CNTN5: variants seen among roughly 807,000 people sequenced by gnomAD.
The protein encoded by CNTN5 is contactin 5.
CNTN5 carries 77 observed loss-of-function variants against 129.1 expected under a neutral mutation model. The ratio of observed to expected loss-of-function variants is 0.60; its 90% confidence interval spans 0.50 to 0.72. The LOEUF is 0.72. Ranked by LOEUF, CNTN5 falls within the 30% of genes least tolerant of loss-of-function variation. The pLI is 0.00. For synonymous variants in CNTN5, 509 were observed against 465.6 expected (o/e 1.09, Z -1.20); for missense variants, 1,478 against 1,328.8 (o/e 1.11, Z -1.75).
intron 3 of CNTN5, among the ~76,000 whole-genome samples, chr11:99,660,182 C>A (rs2135913509): frequency 6.6e-6 from 1 of 152,106 alleles, no homozygotes; most frequent in Middle Eastern, 3.4e-3. Flanking sequence ...CCTTGTGTTA[C>A]TCAAAGAATT....
intron 1 of CNTN5, among the ~76,000 whole-genome samples, chr11:99,160,041 A>C (rs1188792708): frequency 6.6e-6 from 1 of 152,210 alleles, no homozygotes; most frequent in Non-Finnish European, 1.5e-5. Flanking sequence ...TGTTCATGAG[A>C]TTTAAACTAT....
At chr11:99,337,423 T>G (rs888727350) in intron 2 of CNTN5, among the ~76,000 whole-genome samples, 5 of 152,204 alleles carry the variant, frequency 3.3e-5, no homozygotes, top group African/African-American at 1.2e-4. Flanking sequence ...GCATTGTTTC[T>G]ATAGATACTA....
rs533948002 is a variant in CNTN5 at position 100,182,778 on chromosome 11, A to G, written c.1581-8348A>G. Among the ~76,000 whole-genome samples the G allele has an allele frequency of 2.4e-4, 36 of 152,162 alleles. 1 individual carries two copies. The Middle Eastern group carries it at 0.01, about 43-fold the overall frequency. ...ATAAAACAAAAGCACAATGCATAAAATAAAATCAATAAATTAAACTTCAAC... is the reference window on the plus strand; with the variant it reads ...ATAAAACAAAAGCACAATGCATAAAGTAAAATCAATAAATTAAACTTCAAC... On this transcript the variant is annotated intron_variant, in intron 13 of 24. Coordinates refer to ENST00000524871, the MANE Select transcript of CNTN5 (RefSeq NM_014361.4).
chr11:99,465,375 T>G (rs1944890262), intron 2 of CNTN5, among the ~76,000 whole-genome samples: 1 of 152,200 alleles, frequency 6.6e-6, no homozygotes, highest in Non-Finnish European at 1.5e-5. Flanking sequence ...AATAATACAG[T>G]GATATCAAAC....
intron 1 of CNTN5, among the ~76,000 whole-genome samples, chr11:99,260,714 T>C (rs976179024): frequency 6.6e-6 from 1 of 151,922 alleles, no homozygotes; most frequent in East Asian, 1.9e-4. Context: ...TGGATGGTTA[T>C]CAAGGTTTTA....
chr11:99,132,290 C>T (rs1219011478), intron 1 of CNTN5, among the ~76,000 whole-genome samples: 1 of 151,936 alleles, frequency 6.6e-6, no homozygotes, highest in African/African-American at 2.4e-5. Context: ...AATCCAGATC[C>T]AATATCATAA....
chr11:100,285,489 G>T (rs537866034), intron 18 of CNTN5, among the ~76,000 whole-genome samples: 1 of 152,286 alleles, frequency 6.6e-6, no homozygotes, highest in South Asian at 2.1e-4. Flanking sequence ...GCCTTCCCAT[G>T]ATGCCTTTTC....
chr11:99,256,231 A>G (rs555016565), intron 1 of CNTN5, among the ~76,000 whole-genome samples: 7 of 152,190 alleles, frequency 4.6e-5, no homozygotes, highest in Admixed American at 1.3e-4. Context: ...TTTGTTTATT[A>G]TATATCTGGA....
chr11:99,303,932 A>G (rs1427607429), intron 1 of CNTN5, among the ~76,000 whole-genome samples: 1 of 152,074 alleles, frequency 6.6e-6, no homozygotes, highest in East Asian at 1.9e-4. Context: ...AGGCCTAAAA[A>G]ATGGTTTGAA....
intron 3 of CNTN5, among the ~76,000 whole-genome samples, chr11:99,643,070 A>G (rs1035275944): frequency 8.5e-5 from 13 of 152,202 alleles, no homozygotes; most frequent in African/African-American, 2.2e-4. Flanking sequence ...AGGAATACAG[A>G]TATCTCTGTG....
intron 13 of CNTN5, among the ~76,000 whole-genome samples, chr11:100,115,027 A>T (rs1284784001): frequency 6.7e-6 from 1 of 149,186 alleles, no homozygotes; most frequent in Non-Finnish European, 1.5e-5. Context: ...CTTCACCACC[A>T]GTCAGTTTCT....
intron 6 of CNTN5, among the ~76,000 whole-genome samples, chr11:99,876,351 CT>C (rs1948632708): frequency 6.6e-6 from 1 of 152,124 alleles, no homozygotes; most frequent in East Asian, 1.9e-4. Context: ...ATATATGCCC[CT>C]GATATCTGGA....
At chr11:99,350,308 C>T (rs74430117) in intron 2 of CNTN5, among the ~76,000 whole-genome samples, 1 of 152,072 alleles carries the variant, frequency 6.6e-6, no homozygotes, top group Admixed American at 6.6e-5. Context: ...AATGAAAACA[C>T]CAAATCCTGG....
chr11:99,739,212 A>G (rs1013007556), intron 3 of CNTN5, among the ~76,000 whole-genome samples: 5 of 152,172 alleles, frequency 3.3e-5, no homozygotes, highest in Non-Finnish European at 5.9e-5. Flanking sequence ...TATTTATAAT[A>G]ATATAAATTT....
intron 2 of CNTN5, among the ~76,000 whole-genome samples, chr11:99,489,323 T>A (rs186310095): frequency 1.3e-5 from 2 of 152,282 alleles, no homozygotes; most frequent in East Asian, 1.9e-4. Flanking sequence ...TCAAATGCAA[T>A]AGAGCGTTAT....
At chr11:99,810,879 G>T (rs951148586) in intron 3 of CNTN5, among the ~76,000 whole-genome samples, 1 of 151,892 alleles carries the variant, frequency 6.6e-6, no homozygotes, top group Non-Finnish European at 1.5e-5. Flanking sequence ...TATGTCTTCT[G>T]TTTTTTTCTG....
At chr11:99,610,956 G>A (rs557122252) in intron 3 of CNTN5, among the ~76,000 whole-genome samples, 7 of 152,118 alleles carry the variant, frequency 4.6e-5, no homozygotes, top group East Asian at 3.8e-4. Flanking sequence ...ACCCAAGTAC[G>A]CGTGCACACC....
intron 1 of CNTN5, among the ~76,000 whole-genome samples, chr11:99,237,568 G>A (rs1861341629): frequency 1.3e-5 from 2 of 151,932 alleles, no homozygotes; most frequent in Non-Finnish European, 2.9e-5. Context: ...GTAGTCCCAG[G>A]TACTCAGGAG....
At chr11:99,981,573 C>T (rs1048933512) in intron 8 of CNTN5, among the ~76,000 whole-genome samples, 1 of 152,108 alleles carries the variant, frequency 6.6e-6, no homozygotes, top group South Asian at 2.1e-4. Flanking sequence ...AATGCTTTAC[C>T]ACGTTTCTTG....
Sources: gnomAD v4.1 joint callset for allele counts (sites outside exome capture counted in the v4.1 genomes callset) on GRCh38, gnomAD v4.1.1 for gene constraint, MANE v1.5 for transcripts, NCBI Gene and HGNC (gene_info 2026-07-23, HGNC 2026-07-21) for gene names.